TSEN15: variants seen among roughly 807,000 people sequenced by gnomAD.
The protein encoded by TSEN15 is tRNA splicing endonuclease subunit 15, also known as tRNA-splicing endonuclease subunit Sen15.
TSEN15 carries 10 observed loss-of-function variants against 20.5 expected under a neutral mutation model. The observed-to-expected ratio is 0.49, with a 90% CI of 0.30 to 0.83. The LOEUF is 0.83. TSEN15 is among the 40% of genes least tolerant of loss of function. TSEN15 has a pLI of 0.06. For missense variants in TSEN15, 180 were observed against 218.6 expected, an observed-to-expected ratio of 0.82 and a Z score of 1.11; for synonymous variants, 72 against 80.1, an observed-to-expected ratio of 0.90 and a Z score of 0.54.
At chr1:184,070,452 A>G (rs1650840607) in intron 3 of TSEN15, among the ~76,000 whole-genome samples, 1 of 152,080 alleles carries the variant, frequency 6.6e-6, no homozygotes. Flanking sequence ...TGTATATTGC[A>G]TACTGTGAAG....
chr1:184,059,582 T>C (rs1650371732), intron 3 of TSEN15, among the ~76,000 whole-genome samples: 1 of 152,178 alleles, frequency 6.6e-6, no homozygotes. Flanking sequence ...ATACCTTCTT[T>C]TTTTTTGAGA....
intron 3 of TSEN15, among the ~76,000 whole-genome samples, chr1:184,089,964 G>A (rs1313575041): frequency 6.6e-6 from 1 of 152,306 alleles, no homozygotes; most frequent in South Asian, 2.1e-4. Flanking sequence ...ATGTTTGCCA[G>A]TAGAATGGTT....
At chr1:184,066,625 CA>C (rs1161359145) in intron 3 of TSEN15, among the ~76,000 whole-genome samples, 1 of 152,126 alleles carries the variant, frequency 6.6e-6, no homozygotes, top group Non-Finnish European at 1.5e-5. Flanking sequence ...AGGCTGGTCT[CA>C]AACTCCTAAC....
intron 3 of TSEN15, among the ~76,000 whole-genome samples, chr1:184,086,879 C>T (rs1651270808): frequency 6.6e-6 from 1 of 152,086 alleles, no homozygotes; most frequent in Non-Finnish European, 1.5e-5. Context: ...CAAGTCTAGT[C>T]CATACTAGGG....
At chr1:184,096,771 TGA>T (rs1371400249) in exon 4 of TSEN15, 1 of 152,400 alleles carries the variant, frequency 6.6e-6, no homozygotes, top group Non-Finnish European at 1.5e-5. Flanking sequence ...AGGCAAAAAG[TGA>T]GAGAGTTTGT....
chr1:184,084,592 T>C (rs1221608809), intron 3 of TSEN15, among the ~76,000 whole-genome samples: 1 of 151,788 alleles, frequency 6.6e-6, no homozygotes, highest in Non-Finnish European at 1.5e-5. Flanking sequence ...AGAGACTGGG[T>C]AATTTATAAT....
In TSEN15 at chr1:184,061,384, A is replaced by G. The variant is rs114347350; in HGVS notation, c.353+6521A>G. ...TATTAGTAGGAGAGTTGGGTAGCAT[A>G]CACAGCTGTAGAGCCAGAGGAGTTG... On this transcript the variant is annotated intron_variant, in intron 3 of 4. Transcript: ENST00000645668. Among the ~76,000 whole-genome samples the G allele has an allele frequency of 5.6e-3, 860 of 152,300 alleles. 6 individuals are homozygous for G. The highest frequency in any genetic ancestry group is 0.02 in the African/African-American group (812 of 41,572).
chr1:184,064,843 A>G (rs557845338), intron 3 of TSEN15, among the ~76,000 whole-genome samples: 1 of 152,308 alleles, frequency 6.6e-6, no homozygotes, highest in South Asian at 2.1e-4. Flanking sequence ...GAGGAGGTTA[A>G]GTAACTAGGG....
At chr1:184,054,893 T>C (rs1198476385) in intron 3 of TSEN15, 30 bp downstream of exon 3, 1 of 1,599,600 alleles carries the variant, frequency 6.3e-7, no homozygotes, top group Admixed American at 1.7e-5. Flanking sequence ...CTAAGTTCCT[T>C]TCCCGAGTAA....
In TSEN15 at chr1:184,056,623, T is replaced by TACTC. The variant is rs544810208; in HGVS notation, c.353+1763_353+1764insCACT. Among the ~76,000 whole-genome samples the TACTC allele has an allele frequency of 3.1e-3, 468 of 152,308 alleles. 2 individuals carry two copies. The highest frequency in any genetic ancestry group is 7.3e-3 in the African/African-American group (304 of 41,572). On this transcript the variant is annotated intron_variant, in intron 3 of 4. Transcript: ENST00000645668. The stretch of plus-strand genomic sequence containing the variant: ...ATTTTCTATCTAACGGTCTAAAAAA[T>TACTC]ACTTATATTTTCACTAAGAGTTCTA...
chr1:184,085,346 A>G (rs544396959), intron 3 of TSEN15, among the ~76,000 whole-genome samples: 11 of 152,190 alleles, frequency 7.2e-5, no homozygotes, highest in Non-Finnish European at 1.0e-4. Context: ...AAGCATGCCT[A>G]TATTACAGTG....
exon 4 of TSEN15, chr1:184,095,903 G>A (rs1651441406): frequency 2.5e-6 from 1 of 395,706 alleles, no homozygotes; most frequent in Middle Eastern, 6.3e-4. Context: ...AAATGCTTTG[G>A]TACAGCAGCA....
chr1:184,084,537 A>C (rs1651227384), intron 3 of TSEN15, among the ~76,000 whole-genome samples: 1 of 151,492 alleles, frequency 6.6e-6, no homozygotes, highest in African/African-American at 2.4e-5. Context: ...GGGGTGTGAT[A>C]GTTAAAGAGC....
chr1:184,081,868 T>C (rs1000698224), intron 3 of TSEN15, among the ~76,000 whole-genome samples: 8 of 152,132 alleles, frequency 5.3e-5, no homozygotes, highest in Admixed American at 1.3e-4. Flanking sequence ...CCTAGGGTCA[T>C]TGGGGACTTT....
At chr1:184,096,051 C>A in exon 4 of TSEN15, 1 of 273,838 alleles carries the variant, frequency 3.7e-6, no homozygotes, top group Non-Finnish European at 6.8e-6. Context: ...ATTTTGGAAA[C>A]TCCAGTAACA....
chr1:184,066,785 G>A (rs1361133584), intron 3 of TSEN15, among the ~76,000 whole-genome samples: 1 of 152,094 alleles, frequency 6.6e-6, no homozygotes, highest in African/African-American at 2.4e-5. Context: ...TGACTCTTTT[G>A]CCTTTCCATA....
At chr1:184,072,621 G>T in intron 4 of TSEN15, 2 of 599,356 alleles carry the variant, frequency 3.3e-6, no homozygotes, top group Non-Finnish European at 5.7e-6. Context: ...AATAATAGTT[G>T]TAAGTAAAAA....
At position 184,059,937 on chromosome 1, in the gene TSEN15, C is replaced by G. The variant is rs560924701; in HGVS notation, c.353+5074C>G. 7.9e-5 allele frequency among the ~76,000 whole-genome samples: 12 copies of G among 152,324 alleles called. No homozygotes were observed. In the South Asian group the frequency reaches 2.3e-3, roughly 29 times the overall value. ...AAGGATTATTACCAGTTTACACTTG[C>G]ACTTGCAATGTGTAAGTTTTCACAG... is the stretch of plus-strand genomic sequence containing the variant. On this transcript the variant is annotated intron_variant, in intron 3 of 4. Coordinates refer to ENST00000645668, the MANE Select transcript of TSEN15 (RefSeq NM_052965.4).
At chr1:184,095,861 T>C (rs1469851987) in exon 4 of TSEN15, 3 of 397,908 alleles carry the variant, frequency 7.5e-6, no homozygotes, top group African/African-American at 6.2e-5. Context: ...GTCTGTGGTA[T>C]TTTGTTATGA....
Sources: allele counts gnomAD v4.1 joint callset (sites outside exome capture counted in the v4.1 genomes callset), GRCh38; gene constraint gnomAD v4.1.1; transcripts MANE v1.5; gene names NCBI Gene and HGNC (gene_info 2026-07-23, HGNC 2026-07-21).